The following PPP6R3 variants were observed in gnomAD, a reference collection of about 807,000 sequenced individuals.
PPP6R3 encodes protein phosphatase 6 regulatory subunit 3.
A neutral mutation model predicts 110.7 loss-of-function variants in PPP6R3; 38 were observed. That is an observed-to-expected ratio of 0.34 (90% CI 0.26 to 0.45). The LOEUF is 0.45. Ranked by LOEUF, PPP6R3 falls within the 20% of genes least tolerant of loss-of-function variation. The pLI is 1.00. For synonymous variants in PPP6R3, 369 were observed against 373.5 expected, an observed-to-expected ratio of 0.99 and a Z score of 0.14; for missense variants, 870 against 1,062.4, an observed-to-expected ratio of 0.82 and a Z score of 2.52.
chr11:68,559,427 G>T (rs1226621999), intron 8 of PPP6R3, among the ~76,000 whole-genome samples: 1 of 152,194 alleles, frequency 6.6e-6, no homozygotes, highest in Non-Finnish European at 1.5e-5. Context: ...TGATGTAGAG[G>T]TTGGAATTTT....
At chr11:68,486,688 C>T (rs1299868314) in intron 1 of PPP6R3, among the ~76,000 whole-genome samples, 1 of 149,800 alleles carries the variant, frequency 6.7e-6, no homozygotes, top group Non-Finnish European at 1.5e-5. Flanking sequence ...TTATTTTTTC[C>T]TTAAATATTC....
intron 7 of PPP6R3, 63 bp downstream of exon 7, chr11:68,554,320 G>T (rs2099391541): frequency 7.1e-6 from 9 of 1,274,974 alleles, no homozygotes; most frequent in Non-Finnish European, 1.0e-5. Flanking sequence ...TGTTACCATT[G>T]TGAGTGATTG....
intron 1 of PPP6R3, among the ~76,000 whole-genome samples, chr11:68,485,050 C>T (rs1365357360): frequency 6.6e-6 from 1 of 152,092 alleles, no homozygotes; most frequent in Non-Finnish European, 1.5e-5. Context: ...TTTAGTTCTT[C>T]TTTGGGGTCT....
chr11:68,598,451 C>A (rs928344024), intron 19 of PPP6R3, among the ~76,000 whole-genome samples: 9 of 152,138 alleles, frequency 5.9e-5, no homozygotes, highest in African/African-American at 2.2e-4. Context: ...TTACCTACCT[C>A]CCGGGGTTAA....
intron 16 of PPP6R3, 72 bp from the exon 17 acceptor site, chr11:68,590,588 C>CT (rs1251668833): frequency 8.4e-6 from 12 of 1,426,900 alleles, no homozygotes; most frequent in Non-Finnish European, 1.1e-5. Flanking sequence ...AATTTGGAAA[C>CT]TTTCATAAAT....
intron 23 of PPP6R3, among the ~76,000 whole-genome samples, chr11:68,612,682 A>AATC (rs1944177933): frequency 6.6e-6 from 1 of 152,028 alleles, no homozygotes; most frequent in South Asian, 2.1e-4. Flanking sequence ...TGTGGATTCC[A>AATC]ATCTGTGGGT....
At position 68,493,214 on chromosome 11, in the gene PPP6R3, C is replaced by T. The variant is rs906030956; in HGVS notation, c.-157-26287C>T. 2.0e-5 allele frequency among the ~76,000 whole-genome samples: 3 copies of T among 152,278 alleles called. No homozygotes were observed. In the South Asian group the frequency reaches 6.2e-4, roughly 32 times the overall value. On this transcript the variant is annotated intron_variant, in intron 1 of 23. Transcript: ENST00000393800. ...TACTTCCAAAGACTAGTTATTTGCT[C>T]TCTGAGCTTCAGTTTCCTCGCTTAC...
rs1005179562 is a variant in PPP6R3 at position 68,476,369 on chromosome 11, A to G, written c.-158+15542A>G. On this transcript the variant is annotated intron_variant, in intron 1 of 23. Transcript: ENST00000393800. ...TCGCAGGCACTGGGCAGGCTGAGGC[A>G]GGAGAATCAGGCAGGGAGGTTGCAG... Among the ~76,000 whole-genome samples, 13 of 148,294 alleles carry G rather than the reference A, an allele frequency of 8.8e-5. No homozygotes were observed. The South Asian group carries it at 2.9e-3, about 33-fold the overall frequency.
rs2099386143 is a variant in PPP6R3, at chr11:68,552,797, A to G, written c.619-1348A>G. Among the ~76,000 whole-genome samples, 4 of 152,232 alleles carry G rather than the reference A, an allele frequency of 2.6e-5. No homozygotes were observed. The South Asian group carries it at 8.3e-4, about 32-fold the overall frequency. On this transcript the variant is annotated intron_variant, in intron 6 of 23. Coordinates refer to ENST00000393800, the MANE Select transcript of PPP6R3 (RefSeq NM_001164161.2). ...GAGGAACTTGATTGCTCAATGGGCT[A>G]GGAAGAGGATTGCTCAGTAGGGGCT...
At chr11:68,533,385 A>G (rs756821004) in intron 2 of PPP6R3, among the ~76,000 whole-genome samples, 9 of 152,196 alleles carry the variant, frequency 5.9e-5, no homozygotes, top group Non-Finnish European at 1.2e-4. Context: ...CTTATTTGAA[A>G]AATGCTATTC....
At chr11:68,560,292 T>C (rs182624894) in intron 8 of PPP6R3, among the ~76,000 whole-genome samples, 3 of 152,174 alleles carry the variant, frequency 2.0e-5, no homozygotes, top group African/African-American at 7.2e-5. Flanking sequence ...AAAAAATCAA[T>C]AAAATTGATA....
intron 1 of PPP6R3, among the ~76,000 whole-genome samples, chr11:68,514,377 T>G (rs1236071109): frequency 2.0e-5 from 3 of 151,912 alleles, no homozygotes; most frequent in Non-Finnish European, 4.4e-5. Context: ...TTATATGCAT[T>G]TATGCATTTT....
chr11:68,475,999 G>T lies in PPP6R3; in HGVS notation c.-158+15172G>T, dbSNP rs1189409983. 2.0e-5 allele frequency among the ~76,000 whole-genome samples: 3 copies of T among 151,324 alleles called. No homozygotes were observed. The East Asian group carries it at 5.9e-4, about 30-fold the overall frequency. On this transcript the variant is annotated intron_variant, in intron 1 of 23. Transcript: ENST00000393800. ...CCAGACTGGGCAGCCGGGCAGAGGG[G>T]CTCTTCTCATCCCAGACGATGGGCG...
chr11:68,502,257 A>G (rs950697608), intron 1 of PPP6R3, among the ~76,000 whole-genome samples: 3 of 152,228 alleles, frequency 2.0e-5, no homozygotes, highest in African/African-American at 4.8e-5. Flanking sequence ...TTATTTCAAC[A>G]TATAATCAGT....
rs750146446 is a variant in PPP6R3, at chr11:68,613,127, T to TCTG, written c.*20_*22dup. ...GAATGGCCCTGTATGACGGGTGACG[T>TCTG]CTGCTGCTGCTGACTGAGGACTGCA... On this transcript the variant is annotated 3_prime_UTR_variant, in exon 24 of 24. Coordinates refer to ENST00000393800, the MANE Select transcript of PPP6R3 (RefSeq NM_001164161.2). 7.4e-6 allele frequency: 12 copies of TCTG among 1,613,894 alleles called. No individual in the cohort carries two copies. The Admixed American group carries it at 1.3e-4, about 18-fold the overall frequency.
chr11:68,536,271 G>GTTTTGTTTTTTTCTTTGTT (rs995793793), intron 2 of PPP6R3, among the ~76,000 whole-genome samples: 4 of 151,496 alleles, frequency 2.6e-5, no homozygotes, highest in Non-Finnish European at 4.4e-5. Context: ...GGTTTTTTTT[G>GTTTTGTTTTTTTCTTTGTT]TTTTGTTTTT....
At position 68,614,806 on chromosome 11, in the gene PPP6R3, G is replaced by A. The variant is rs1944919406; in HGVS notation, c.*1689G>A. 1 of 1,487,718 alleles carries A rather than the reference G, an allele frequency of 6.7e-7. No homozygotes were observed. Among genetic ancestry groups the A allele is most frequent in the Non-Finnish European group, 9.2e-7 (1 of 1,092,610 alleles). The allele number at this position is 1,487,718 out of a possible 1,614,324, so 92.2% of individuals were successfully genotyped here. A position where few individuals can be genotyped will look rare whatever the true frequency, so the allele number is the denominator to read the frequency against. ...TCCTCTGGAAGCAGCACCCCCAGAG[G>A]ACAGGGCTCCTCCTGCTTGCCTCAG... On this transcript the variant is annotated 3_prime_UTR_variant, in exon 24 of 24. Coordinates refer to ENST00000393800, the MANE Select transcript of PPP6R3 (RefSeq NM_001164161.2).
At position 68,614,477 on chromosome 11, in the gene PPP6R3, A is replaced by G. The variant is rs1187639856; in HGVS notation, c.*1360A>G. 7.2e-7 allele frequency: 1 copy of G among 1,386,466 alleles called. No homozygotes were observed. The highest frequency in any genetic ancestry group is 9.3e-7 in the Non-Finnish European group (1 of 1,073,958). The allele number at this position is 1,386,466 out of a possible 1,614,324, so 85.9% of individuals were successfully genotyped here. A position where few individuals can be genotyped will look rare whatever the true frequency, so the allele number is the denominator to read the frequency against. On this transcript the variant is annotated 3_prime_UTR_variant, in exon 24 of 24. Transcript: ENST00000393800. ...TTTACATCATTTGTTTTTCCTGACC[A>G]GTATTTAAAACCAAAAGGATATTCT... is the stretch of plus-strand genomic sequence containing the variant.
intron 2 of PPP6R3, among the ~76,000 whole-genome samples, chr11:68,532,393 TG>T (rs1431342020): frequency 1.3e-5 from 2 of 152,246 alleles, no homozygotes; most frequent in Non-Finnish European, 2.9e-5. Context: ...CCCAGTGACC[TG>T]CTTTCTTAAT....
Sources: gnomAD v4.1 joint callset for allele counts (sites outside exome capture counted in the v4.1 genomes callset) on GRCh38, gnomAD v4.1.1 for gene constraint, MANE v1.5 for transcripts, NCBI Gene and HGNC (gene_info 2026-07-23, HGNC 2026-07-21) for gene names.